RPH3A: variants seen among roughly 807,000 people sequenced by gnomAD.
The protein encoded by RPH3A is rabphilin-3A.
RPH3A carries 48 observed loss-of-function variants against 102.2 expected under a neutral mutation model. That is an observed-to-expected ratio of 0.47 (90% CI 0.37 to 0.60). The LOEUF (loss-of-function observed/expected upper bound fraction) is 0.60. Ranked by LOEUF, RPH3A falls within the 20% of genes least tolerant of loss-of-function variation. The pLI is 0.00. For missense variants in RPH3A, 781 were observed against 910.1 expected (o/e 0.86, Z 1.83); for synonymous variants, 310 against 324.3 (o/e 0.96, Z 0.47).
Position 112,897,358 on chromosome 12 carries a change from T to A in RPH3A, c.*578T>A, listed in dbSNP as rs887384830. The A allele has an allele frequency of 3.3e-5, 5 of 152,612 alleles. No individual in the cohort carries two copies. Among genetic ancestry groups the A allele is most frequent in the African/African-American group, 1.2e-4 (5 of 41,444 alleles). The allele number at this position is 152,612 out of a possible 1,614,324, so 9.5% of individuals were successfully genotyped here. Reference sequence around the variant, plus strand: ...AGTAACACACCCTCCCTGCTCCAAGTGCACCAGGATGCAAATGCACAGAAT... The same window carrying A: ...AGTAACACACCCTCCCTGCTCCAAGAGCACCAGGATGCAAATGCACAGAAT... On this transcript the variant is annotated 3_prime_UTR_variant, in exon 22 of 22. Transcript: ENST00000389385.
intron 1 of RPH3A, among the ~76,000 whole-genome samples, chr12:112,752,979 T>C (rs1432692892): frequency 6.6e-6 from 1 of 151,148 alleles, no homozygotes; most frequent in African/African-American, 2.4e-5. Context: ...TTTTTTTTTT[T>C]TTTTTTTTTG....
chr12:112,728,045 C>T (rs2040607699), intron 1 of RPH3A, among the ~76,000 whole-genome samples: 1 of 152,182 alleles, frequency 6.6e-6, no homozygotes, highest in South Asian at 2.1e-4. Context: ...CACCAGTTTT[C>T]TCCTTCATAC....
At chr12:112,853,331 G>A in intron 5 of RPH3A, among the ~76,000 whole-genome samples, 1 of 152,130 alleles carries the variant, frequency 6.6e-6, no homozygotes, top group East Asian at 1.9e-4. Context: ...GGGACTTGGG[G>A]GCATTCTGAT....
chr12:112,875,791 A>G (rs1295752602), intron 12 of RPH3A, 50 bp downstream of exon 12: 1 of 1,530,004 alleles, frequency 6.5e-7, no homozygotes. Context: ...CCTCTCCCCT[A>G]CCTCCCTGAG....
chr12:112,794,638 C>T (rs2041192915), intron 2 of RPH3A, among the ~76,000 whole-genome samples: 1 of 152,202 alleles, frequency 6.6e-6, no homozygotes, highest in Admixed American at 6.5e-5. Context: ...AAACACACAA[C>T]ATCAGGGGGT....
intron 2 of RPH3A, among the ~76,000 whole-genome samples, chr12:112,812,234 G>A (rs185462696): frequency 6.2e-4 from 95 of 152,218 alleles, no homozygotes; most frequent in Non-Finnish European, 2.5e-4. Flanking sequence ...ATTGAGGCCA[G>A]CCCCATCAGA....
intron 1 of RPH3A, among the ~76,000 whole-genome samples, chr12:112,683,399 C>A (rs184355831): frequency 1.3e-5 from 2 of 152,242 alleles, no homozygotes; most frequent in African/African-American, 4.8e-5. Flanking sequence ...AGGGGTCCTA[C>A]CAAACAGATG....
At chr12:112,728,437 C>T (rs759256750) in intron 1 of RPH3A, among the ~76,000 whole-genome samples, 7 of 152,024 alleles carry the variant, frequency 4.6e-5, no homozygotes, top group East Asian at 1.9e-4. Context: ...ATCAAATGAA[C>T]GCCCTCAACT....
At chr12:112,693,526 C>T (rs1048553805) in intron 1 of RPH3A, among the ~76,000 whole-genome samples, 3 of 152,072 alleles carry the variant, frequency 2.0e-5, no homozygotes, top group Admixed American at 2.0e-4. Context: ...TGTTTTTTCC[C>T]ACCTCTCTGA....
rs566709773 is a variant in RPH3A at position 112,646,410 on chromosome 12, G to A, written c.-140+71091G>A. ...CCCCCATGGAAGAGGCTCCATTTTC[G>A]TTTGTGTGCCTCTTTTTAAGAGCAA... On this transcript the variant is annotated intron_variant, in intron 1 of 21. Transcript: ENST00000543106. Among the ~76,000 whole-genome samples, 17 of 152,206 alleles carry A rather than the reference G, an allele frequency of 1.1e-4. No individual in the cohort carries two copies. The South Asian group carries it at 2.5e-3, about 22-fold the overall frequency.
Position 112,666,082 on chromosome 12 carries a change from G to A in RPH3A, c.-140+90763G>A, listed in dbSNP as rs184364245. Among the ~76,000 whole-genome samples, 1,277 of 152,246 alleles carry A rather than the reference G, an allele frequency of 8.4e-3. 13 individuals are homozygous for A. The highest frequency in any genetic ancestry group is 0.026 in the South Asian group (123 of 4,820). ...CTCCCTTGCTACTTACTCGACACATGCATTGATGTATCAGACAACTCCAAC... is the reference window on the plus strand; with the variant it reads ...CTCCCTTGCTACTTACTCGACACATACATTGATGTATCAGACAACTCCAAC... On this transcript the variant is annotated intron_variant, in intron 1 of 21. Coordinates refer to the RPH3A transcript ENST00000543106.
At chr12:112,667,442 G>T (rs1170603527) in intron 1 of RPH3A, among the ~76,000 whole-genome samples, 1 of 151,954 alleles carries the variant, frequency 6.6e-6, no homozygotes, top group African/African-American at 2.4e-5. Context: ...CCACCTAATT[G>T]CTCAGGCAGA....
chr12:112,629,409 T>A (rs1375778516), intron 1 of RPH3A, among the ~76,000 whole-genome samples: 3 of 138,748 alleles, frequency 2.2e-5, no homozygotes, highest in African/African-American at 8.1e-5. Flanking sequence ...TTTTTTTTTT[T>A]AACTACCTTT....
chr12:112,826,799 A>T (rs1593050151), intron 2 of RPH3A, among the ~76,000 whole-genome samples: 1 of 152,178 alleles, frequency 6.6e-6, no homozygotes, highest in East Asian at 1.9e-4. Context: ...CCAGCATTCC[A>T]CTGTACAAAT....
At chr12:112,609,995 C>T (rs555542756) in intron 1 of RPH3A, among the ~76,000 whole-genome samples, 9 of 152,178 alleles carry the variant, frequency 5.9e-5, no homozygotes, top group Non-Finnish European at 1.3e-4. Context: ...AACTCAGACT[C>T]TTCCTACAGC....
chr12:112,896,056 G>T (rs939350941), intron 21 of RPH3A, among the ~76,000 whole-genome samples, 183 bp downstream of exon 21: 1 of 152,250 alleles, frequency 6.6e-6, no homozygotes, highest in African/African-American at 2.4e-5. Context: ...TACATGAAAA[G>T]CCTTACAAAA....
intron 1 of RPH3A, among the ~76,000 whole-genome samples, chr12:112,732,754 T>C (rs889622441): frequency 2.0e-5 from 3 of 152,128 alleles, no homozygotes; most frequent in Non-Finnish European, 4.4e-5. Context: ...TCAGCATTTG[T>C]TGAGTATGGG....
intron 1 of RPH3A, among the ~76,000 whole-genome samples, chr12:112,577,508 G>T (rs1199239146): frequency 1.3e-5 from 2 of 152,118 alleles, no homozygotes; most frequent in African/African-American, 4.8e-5. Context: ...GGTTTTGGCT[G>T]GCTTCTTTAC....
chr12:112,897,073 T>C lies in RPH3A; in HGVS notation c.*293T>C, dbSNP rs1006144854. 15 of 340,102 alleles carry C rather than the reference T, an allele frequency of 4.4e-5. No homozygotes were observed. In the South Asian group the frequency reaches 4.5e-4, roughly 10 times the overall value. The allele number at this position is 340,102 out of a possible 1,614,324, so 21.1% of individuals were successfully genotyped here. On this transcript the variant is annotated 3_prime_UTR_variant, in exon 22 of 22. Transcript: ENST00000389385. ...GTTGATCATTTAATAACCTCTCAGT[T>C]TGGGTAAATTACAAAGGTTCTTCAT...
Sources: allele counts gnomAD v4.1 joint callset (sites outside exome capture counted in the v4.1 genomes callset), GRCh38; gene constraint gnomAD v4.1.1; transcripts MANE v1.5; gene names NCBI Gene and HGNC (gene_info 2026-07-23, HGNC 2026-07-21).